ENPP3: variants seen among roughly 807,000 people sequenced by gnomAD.
ENPP3 encodes ectonucleotide pyrophosphatase/phosphodiesterase family member 3.
ENPP3 carries 104 observed loss-of-function variants against 117.8 expected under a neutral mutation model. The ratio of observed to expected loss-of-function variants is 0.88; its 90% CI spans 0.75 to 1.04. The LOEUF is 1.04. Among genes scored for constraint, ENPP3 ranks in the 50% least tolerant of loss-of-function variants. The pLI is 0.00. For synonymous variants in ENPP3, 380 were observed against 349.9 expected (o/e 1.09, Z -0.96); for missense variants, 1,026 against 1,051.9 (o/e 0.98, Z 0.34).
intron 1 of ENPP3, chr6:131,638,651 C>A: frequency 3.5e-6 from 1 of 287,234 alleles, no homozygotes; most frequent in South Asian, 3.1e-5. Context: ...GTCTCAAACT[C>A]CTGGATCAAG....
intron 15 of ENPP3, among the ~76,000 whole-genome samples, chr6:131,718,273 A>G (rs570530762): frequency 1.6e-4 from 24 of 152,286 alleles, no homozygotes; most frequent in African/African-American, 4.6e-4. Context: ...TAACCAAACT[A>G]TTCTTCAGCA....
chr6:131,685,304 A>G (rs748712104), intron 12 of ENPP3, 60 bp from the exon 13 acceptor site: 6 of 1,417,162 alleles, frequency 4.2e-6, no homozygotes, highest in Non-Finnish European at 5.9e-6. Flanking sequence ...GACAAGACAG[A>G]AATCAACCGT....
At chr6:131,652,012 T>C (rs1055312667) in intron 3 of ENPP3, among the ~76,000 whole-genome samples, 1 of 152,232 alleles carries the variant, frequency 6.6e-6, no homozygotes, top group Non-Finnish European at 1.5e-5. Flanking sequence ...GAAACTGTTC[T>C]CATCCTAAGT....
In ENPP3 at chr6:131,746,788, A is replaced by C; in HGVS notation, c.2460A>C (p.Glu820Asp). ...HRPTNVESCP[E>D]GKPEALWVEE... is the part of the protein sequence containing the mutation. The stretch of plus-strand genomic sequence containing the variant: ...AGTGTTGTGCTTTTCTTTTTCAGGA[A>C]GGTAAACCAGAAGCTCTTTGGGTTG... The change falls in exon 25 of 25, where the codon GAA becomes GAC. Residue 820 changes from glutamate to aspartate, a missense_variant and splice_region_variant. Glu to Asp is a conservative substitution (Grantham distance 45). Coordinates refer to ENST00000357639, the MANE Select transcript of ENPP3 (RefSeq NM_005021.5). 6.3e-7 allele frequency: 1 copy of C among 1,594,536 alleles called. No homozygotes were observed. The highest frequency in any genetic ancestry group is 8.5e-7 in the Non-Finnish European group (1 of 1,174,466).
rs531302901 is a variant in ENPP3 at position 131,703,249 on chromosome 6, T to A, written c.1412+9625T>A. ...TAGAGACCTCATCTCTTTAAAAAAA[T>A]TTTTAAAATAGTAATTATATGAAAA... On this transcript the variant is annotated intron_variant, in intron 15 of 24. Coordinates refer to ENST00000357639, the MANE Select transcript of ENPP3 (RefSeq NM_005021.5). Among the ~76,000 whole-genome samples the A allele has an allele frequency of 1.0e-3, 136 of 135,852 alleles. 7 individuals are homozygous for A. Among genetic ancestry groups the A allele is most frequent in the African/African-American group, 3.9e-3 (120 of 30,908 alleles). The allele number at this position is 135,852 out of a possible 152,430, so 89.1% of individuals were successfully genotyped here.
In ENPP3 at chr6:131,677,860, A is replaced by G. The variant is rs1159544900; in HGVS notation, c.939-8A>G. ...GATAATATATTTCTGTTTCAATTTT[A>G]CCCCTAGACCCAGGTTTTATACCAT... On this transcript the variant is annotated splice_region_variant and splice_polypyrimidine_tract_variant and intron_variant, in intron 10 of 24. Coordinates refer to ENST00000357639, the MANE Select transcript of ENPP3 (RefSeq NM_005021.5). 3 of 1,575,308 alleles carry G rather than the reference A, an allele frequency of 1.9e-6. No homozygotes were observed. The highest frequency in any genetic ancestry group is 2.6e-6 in the Non-Finnish European group (3 of 1,146,258).
intron 2 of ENPP3, among the ~76,000 whole-genome samples, chr6:131,645,515 C>T (rs966784106): frequency 1.3e-5 from 2 of 152,144 alleles, no homozygotes; most frequent in Non-Finnish European, 2.9e-5. Context: ...TGTTAGATCC[C>T]ATGATTTTAA....
At chr6:131,742,597 GAAC>G (rs895799288) in intron 24 of ENPP3, among the ~76,000 whole-genome samples, 21 of 151,752 alleles carry the variant, frequency 1.4e-4, no homozygotes, top group East Asian at 5.8e-4. Flanking sequence ...TGATTATCCT[GAAC>G]AACAACAACA....
At chr6:131,723,893 G>A in intron 18 of ENPP3, 147 bp from the exon 19 acceptor site, 2 of 540,976 alleles carry the variant, frequency 3.7e-6, no homozygotes, top group East Asian at 3.6e-5. Context: ...CTGAATAGTG[G>A]CAGAATCAGA....
chr6:131,687,660 C>T (rs904612994), intron 14 of ENPP3, among the ~76,000 whole-genome samples: 1 of 152,068 alleles, frequency 6.6e-6, no homozygotes, highest in South Asian at 2.1e-4. Context: ...AAGCAAAAAA[C>T]AAATAACCCC....
At chr6:131,683,442 A>G (rs1301177810) in intron 12 of ENPP3, among the ~76,000 whole-genome samples, 1 of 152,174 alleles carries the variant, frequency 6.6e-6, no homozygotes, top group African/African-American at 2.4e-5. Flanking sequence ...TTTTTATTCA[A>G]TCTAAAAAGT....
chr6:131,641,447 T>C lies in ENPP3; in HGVS notation c.79-8T>C. 1 of 1,599,262 alleles carries C rather than the reference T, an allele frequency of 6.3e-7. No homozygotes were observed. Among genetic ancestry groups the C allele is most frequent in the Non-Finnish European group, 8.6e-7 (1 of 1,167,726 alleles). The stretch of plus-strand genomic sequence containing the variant: ...ATTATAAAAGTTACTTTTTCCTTTT[T>C]GCAATAGGTTCTTCTTGCTTTGCTG... On this transcript the variant is annotated splice_polypyrimidine_tract_variant and splice_region_variant and intron_variant, in intron 1 of 24. Transcript: ENST00000357639.
intron 17 of ENPP3, among the ~76,000 whole-genome samples, chr6:131,721,079 C>T (rs1585716076): frequency 6.6e-6 from 1 of 152,078 alleles, no homozygotes; most frequent in East Asian, 1.9e-4. Context: ...GGAAAAAAGT[C>T]CTAGCTGGAT....
intron 21 of ENPP3, 149 bp from the exon 22 acceptor site, chr6:131,737,206 G>T: frequency 1.8e-6 from 1 of 555,436 alleles, no homozygotes; most frequent in South Asian, 2.6e-5. Context: ...AAAACTGCCT[G>T]CATTATTAAC....
chr6:131,681,102 AG>A (rs910155032), intron 11 of ENPP3, among the ~76,000 whole-genome samples: 6 of 152,208 alleles, frequency 3.9e-5, no homozygotes, highest in African/African-American at 1.4e-4. Context: ...TCATGACAAC[AG>A]GTGGAAACAG....
At chr6:131,722,114 C>A (rs1780045681) in intron 17 of ENPP3, 113 bp from the exon 18 acceptor site, 2 of 717,190 alleles carry the variant, frequency 2.8e-6, no homozygotes, top group Non-Finnish European at 4.6e-6. Context: ...TTCGTTACAG[C>A]AGAATTTATT....
intron 2 of ENPP3, among the ~76,000 whole-genome samples, chr6:131,648,964 T>A (rs1562426653): frequency 6.6e-6 from 1 of 152,188 alleles, no homozygotes; most frequent in African/African-American, 2.4e-5. Context: ...CTCCTAAATA[T>A]GTATTTGCTT....
At chr6:131,694,426 C>T (rs756107210) in intron 15 of ENPP3, among the ~76,000 whole-genome samples, 1 of 152,160 alleles carries the variant, frequency 6.6e-6, no homozygotes, top group Non-Finnish European at 1.5e-5. Context: ...GTATTTCATA[C>T]CAGCACTTTT....
intron 6 of ENPP3, among the ~76,000 whole-genome samples, chr6:131,663,474 C>T (rs1278409981): frequency 6.9e-6 from 1 of 145,244 alleles, no homozygotes; most frequent in Non-Finnish European, 1.5e-5. Flanking sequence ...ATTGCTTGAG[C>T]CAAGGAATTC....
Sources: gnomAD v4.1 joint callset for allele counts (sites outside exome capture counted in the v4.1 genomes callset) on GRCh38, gnomAD v4.1.1 for gene constraint, MANE v1.5 for transcripts, NCBI Gene and HGNC (gene_info 2026-07-23, HGNC 2026-07-21) for gene names.